The following CLSTN2 variants were observed in gnomAD, a reference collection of about 807,000 sequenced individuals.
CLSTN2 encodes calsyntenin 2.
CLSTN2 carries 48 observed loss-of-function variants against 101.2 expected under a neutral mutation model. The observed-to-expected ratio is 0.47, with a 90% confidence interval of 0.38 to 0.60. CLSTN2 has a LOEUF of 0.60. Among genes scored for constraint, CLSTN2 ranks in the 20% least tolerant of loss-of-function variants. CLSTN2 has a pLI of 0.00. For missense variants in CLSTN2, 1,160 were observed against 1,238.2 expected (o/e 0.94, Z 0.95); for synonymous variants, 481 against 463.6 (o/e 1.04, Z -0.48).
Position 140,525,729 on chromosome 3 carries a change from A to G in CLSTN2, c.1345-6595A>G, listed in dbSNP as rs562442456. ...CAGCACATCACAAAGTTAAGTCGCCACATTCAAGAAGGTTTTATTCCTGGG... is the reference window on the plus strand; with the variant it reads ...CAGCACATCACAAAGTTAAGTCGCCGCATTCAAGAAGGTTTTATTCCTGGG... On this transcript the variant is annotated intron_variant, in intron 8 of 16. Coordinates refer to ENST00000458420, the MANE Select transcript of CLSTN2 (RefSeq NM_022131.3). Among the ~76,000 whole-genome samples the G allele has an allele frequency of 2.0e-5, 3 of 152,334 alleles. No individual in the cohort carries two copies. In the South Asian group the frequency reaches 6.2e-4, roughly 32 times the overall value.
intron 7 of CLSTN2, chr3:140,460,394 G>T (rs1933530459): frequency 6.4e-6 from 1 of 156,392 alleles, no homozygotes; most frequent in Admixed American, 6.1e-5. Context: ...CTGTGAATGG[G>T]ACGTTATAGT....
chr3:140,265,690 G>A (rs2086688648), intron 2 of CLSTN2, among the ~76,000 whole-genome samples: 1 of 152,134 alleles, frequency 6.6e-6, no homozygotes, highest in Admixed American at 6.5e-5. Context: ...AACCATCAGT[G>A]CTTTGAGTTT....
chr3:140,104,441 T>A (rs553599036), intron 1 of CLSTN2, among the ~76,000 whole-genome samples: 1 of 152,348 alleles, frequency 6.6e-6, no homozygotes, highest in Non-Finnish European at 1.5e-5. Context: ...AATGCTCGGC[T>A]AAGAGGAGCT....
At chr3:140,244,852 T>G (rs530945902) in intron 2 of CLSTN2, among the ~76,000 whole-genome samples, 1 of 152,354 alleles carries the variant, frequency 6.6e-6, no homozygotes, top group African/African-American at 2.4e-5. Flanking sequence ...AGCAAAATGT[T>G]AATTTTACCT....
At chr3:140,272,588 A>T (rs2086753025) in intron 2 of CLSTN2, among the ~76,000 whole-genome samples, 2 of 152,050 alleles carry the variant, frequency 1.3e-5, no homozygotes, top group African/African-American at 4.8e-5. Context: ...TGTCTGTACT[A>T]AAAAAATGCA....
chr3:140,239,758 C>T (rs548915064), intron 2 of CLSTN2, among the ~76,000 whole-genome samples: 28 of 152,142 alleles, frequency 1.8e-4, no homozygotes, highest in Non-Finnish European at 3.2e-4. Context: ...ATTACAACTA[C>T]GTCATGACTA....
intron 1 of CLSTN2, among the ~76,000 whole-genome samples, chr3:140,084,085 A>T (rs2008641217): frequency 6.6e-6 from 1 of 152,206 alleles, no homozygotes. Flanking sequence ...ACTTTTCATG[A>T]TGCTGCATAT....
intron 1 of CLSTN2, among the ~76,000 whole-genome samples, chr3:140,023,201 G>A (rs2007353687): frequency 6.6e-6 from 1 of 152,152 alleles, no homozygotes; most frequent in South Asian, 2.1e-4. Flanking sequence ...TTGTCTTGCA[G>A]GTGGAAGTCA....
At chr3:140,239,039 C>G (rs72990122) in intron 2 of CLSTN2, among the ~76,000 whole-genome samples, 1,890 of 152,234 alleles carry the variant, frequency 0.012, 37 homozygotes, top group African/African-American at 0.043. Flanking sequence ...TATTGCTGTA[C>G]TTTTCTCAAA....
intron 1 of CLSTN2, among the ~76,000 whole-genome samples, chr3:140,135,815 C>T (rs991835263): frequency 6.6e-6 from 1 of 152,174 alleles, no homozygotes; most frequent in Non-Finnish European, 1.5e-5. Context: ...AGATCCCCTC[C>T]ATTTTAGGAA....
At chr3:140,222,559 T>C (rs934704458) in intron 2 of CLSTN2, among the ~76,000 whole-genome samples, 1 of 152,210 alleles carries the variant, frequency 6.6e-6, no homozygotes, top group Non-Finnish European at 1.5e-5. Context: ...ATTGCATGCT[T>C]ATATCAAAAC....
chr3:139,992,095 C>T (rs555225556), intron 1 of CLSTN2, among the ~76,000 whole-genome samples: 6 of 152,204 alleles, frequency 3.9e-5, no homozygotes, highest in African/African-American at 1.4e-4. Flanking sequence ...GAATGGAAAT[C>T]GACAAGTATT....
At chr3:140,303,582 T>C (rs1177501304) in intron 2 of CLSTN2, among the ~76,000 whole-genome samples, 20 of 152,162 alleles carry the variant, frequency 1.3e-4, no homozygotes, top group Admixed American at 1.3e-3. Context: ...ATTATTTTAC[T>C]TCCAAAATTT....
intron 8 of CLSTN2, among the ~76,000 whole-genome samples, chr3:140,529,321 T>C (rs1188738804): frequency 6.6e-6 from 1 of 152,212 alleles, no homozygotes; most frequent in African/African-American, 2.4e-5. Context: ...TGTCCAGAGA[T>C]TCATGTGTCT....
chr3:140,111,956 C>T (rs1008661943), intron 1 of CLSTN2, among the ~76,000 whole-genome samples: 3 of 152,128 alleles, frequency 2.0e-5, no homozygotes, highest in Admixed American at 6.5e-5. Context: ...CAGTGGTCTG[C>T]AAAAATGGGC....
At chr3:140,489,356 A>G (rs907305694) in intron 8 of CLSTN2, among the ~76,000 whole-genome samples, 8 of 152,224 alleles carry the variant, frequency 5.3e-5, no homozygotes, top group Non-Finnish European at 1.2e-4. Context: ...TAGGATAAAA[A>G]GCAACTTAAG....
At chr3:140,527,561 C>T (rs1391790728) in intron 8 of CLSTN2, among the ~76,000 whole-genome samples, 1 of 152,088 alleles carries the variant, frequency 6.6e-6, no homozygotes, top group Non-Finnish European at 1.5e-5. Context: ...CCCAGCAATC[C>T]CATTACTGGA....
chr3:140,015,921 T>C (rs546351001), intron 1 of CLSTN2, among the ~76,000 whole-genome samples: 1 of 152,244 alleles, frequency 6.6e-6, no homozygotes, highest in Non-Finnish European at 1.5e-5. Flanking sequence ...TGGTACCTGC[T>C]CAGGAACATT....
chr3:140,362,080 C>T (rs2087735930), intron 2 of CLSTN2, among the ~76,000 whole-genome samples: 1 of 152,132 alleles, frequency 6.6e-6, no homozygotes, highest in African/African-American at 2.4e-5. Context: ...TATAAATCGA[C>T]AGTAATCAGC....
Sources: gnomAD v4.1 joint callset for allele counts (sites outside exome capture counted in the v4.1 genomes callset) on GRCh38, gnomAD v4.1.1 for gene constraint, MANE v1.5 for transcripts, NCBI Gene and HGNC (gene_info 2026-07-23, HGNC 2026-07-21) for gene names.